SERINC5: variants seen among roughly 807,000 people sequenced by gnomAD.
SERINC5 encodes the protein chromosome 5 open reading frame 12.
A neutral mutation model predicts 63.1 loss-of-function variants in SERINC5; 41 were observed. The observed-to-expected ratio is 0.65, with a 90% CI of 0.51 to 0.84. The LOEUF (loss-of-function observed/expected upper bound fraction) is 0.84, where lower values mean the gene tolerates loss of function less well. Among genes scored for constraint, SERINC5 ranks in the 40% least tolerant of loss-of-function variants. SERINC5 has a pLI of 0.00. For missense variants in SERINC5, 523 were observed against 573.0 expected (o/e 0.91, Z 0.89); for synonymous variants, 222 against 215.2 (o/e 1.03, Z -0.28).
Position 80,140,166 on chromosome 5 carries a change from A to T in SERINC5, c.*3497T>A, listed in dbSNP as rs1178985712. ...ACAACCCCATCTCTACAAAAAAATA[A>T]AAATCGGCCAGGTGTGATGGGGCAA... On this transcript the variant is annotated 3_prime_UTR_variant, in exon 12 of 12. Transcript: ENST00000507668. 1.0e-5 allele frequency: 8 copies of T among 769,782 alleles called. No individual in the cohort carries two copies. In the South Asian group the frequency reaches 4.7e-4, roughly 45 times the overall value. 47.7% of individuals were successfully genotyped at this position (769,782 alleles called of 1,614,324 possible). A position where few individuals can be genotyped will look rare whatever the true frequency, so the allele number is the denominator to read the frequency against.
chr5:80,221,765 C>T (rs1750915306), intron 1 of SERINC5, among the ~76,000 whole-genome samples: 1 of 146,954 alleles, frequency 6.8e-6, no homozygotes, highest in South Asian at 2.1e-4. Flanking sequence ...CTCCATTGGT[C>T]TACATTAAAA....
At chr5:80,245,962 C>G (rs927568987) in intron 1 of SERINC5, among the ~76,000 whole-genome samples, 1 of 47,728 alleles carries the variant, frequency 2.1e-5, no homozygotes, top group African/African-American at 7.3e-5. Flanking sequence ...ATTGTCAGCT[C>G]TTTAAAAAAA....
intron 2 of SERINC5, among the ~76,000 whole-genome samples, chr5:80,194,777 T>G (rs1358200440): frequency 1.3e-5 from 2 of 152,146 alleles, no homozygotes; most frequent in African/African-American, 2.4e-5. Flanking sequence ...AAAAGGCATT[T>G]AACTGTGACT....
At chr5:80,237,075 C>T (rs1005246949) in intron 1 of SERINC5, among the ~76,000 whole-genome samples, 1 of 152,172 alleles carries the variant, frequency 6.6e-6, no homozygotes, top group Non-Finnish European at 1.5e-5. Context: ...GATCCACCCG[C>T]CTCGGCCTCC....
chr5:80,149,862 T>C (rs1746057312), intron 9 of SERINC5, among the ~76,000 whole-genome samples: 1 of 152,164 alleles, frequency 6.6e-6, no homozygotes, highest in South Asian at 2.1e-4. Flanking sequence ...CACAGCTGAG[T>C]CCTTCCCTGG....
chr5:80,132,801 T>G (rs1035498258), intron 11 of SERINC5, among the ~76,000 whole-genome samples: 3 of 152,120 alleles, frequency 2.0e-5, no homozygotes, highest in Middle Eastern at 3.4e-3. Flanking sequence ...TACACAGCAA[T>G]AGGGGACTGG....
intron 11 of SERINC5, among the ~76,000 whole-genome samples, chr5:80,118,196 C>A (rs1029620111): frequency 6.6e-6 from 1 of 151,870 alleles, no homozygotes; most frequent in African/African-American, 2.4e-5. Flanking sequence ...GAGCAAGACT[C>A]CACCTCAAAA....
rs1752652403 is a variant in SERINC5 at position 80,255,835 on chromosome 5, C to G, written c.27+61G>C. On this transcript the variant is annotated intron_variant, in intron 1 of 11. Transcript: ENST00000507668. ...GCGCACCCAGGCAGGTCCTCCACGCCTGGACTCCTGGCCCGGTTCTCCGAT... is the reference window on the plus strand; with the variant it reads ...GCGCACCCAGGCAGGTCCTCCACGCGTGGACTCCTGGCCCGGTTCTCCGAT... The G allele has an allele frequency of 1.3e-5, 20 of 1,561,442 alleles. 1 individual carries two copies. The Admixed American group carries it at 3.2e-4, about 25-fold the overall frequency.
At chr5:80,203,257 C>CACATATATAT (rs1554067829) in intron 1 of SERINC5, 1 of 255,246 alleles carries the variant, frequency 3.9e-6, no homozygotes, top group African/African-American at 2.3e-5. Context: ...TATATATACA[C>CACATATATAT]ATATATATAT....
chr5:80,220,966 G>A (rs886655580), intron 1 of SERINC5, among the ~76,000 whole-genome samples: 1 of 152,052 alleles, frequency 6.6e-6, no homozygotes, highest in Non-Finnish European at 1.5e-5. Flanking sequence ...GAGCCAGGAA[G>A]TGGAGGAAGC....
intron 7 of SERINC5, among the ~76,000 whole-genome samples, chr5:80,161,013 T>C (rs1468083801): frequency 2.0e-5 from 3 of 147,440 alleles, no homozygotes; most frequent in Admixed American, 6.9e-5. Context: ...CGTGTATATA[T>C]ACGTGTATAT....
chr5:80,197,343 G>C (rs1264296501), intron 2 of SERINC5, among the ~76,000 whole-genome samples: 1 of 28,254 alleles, frequency 3.5e-5, no homozygotes, highest in African/African-American at 1.2e-4. Flanking sequence ...GAGAGAGAGA[G>C]AGAGAGAGAG....
intron 1 of SERINC5, among the ~76,000 whole-genome samples, chr5:80,238,379 C>T (rs1299626852): frequency 2.6e-5 from 4 of 152,152 alleles, no homozygotes; most frequent in Non-Finnish European, 5.9e-5. Context: ...CTATCATCCA[C>T]GCATAGAGCA....
At position 80,256,034 on chromosome 5, in the gene SERINC5, G is replaced by C. The variant is rs554698933; in HGVS notation, c.-112C>G. 10 of 1,168,226 alleles carry C rather than the reference G, an allele frequency of 8.6e-6. No individual in the cohort carries two copies. Among genetic ancestry groups the C allele is most frequent in the Non-Finnish European group, 1.0e-5 (9 of 878,704 alleles). The allele number at this position is 1,168,226 out of a possible 1,614,324, so 72.4% of individuals were successfully genotyped here. On this transcript the variant is annotated 5_prime_UTR_variant, in exon 1 of 12. In the 5' UTR this introduces an upstream ATG that the reference lacks. Transcript: ENST00000507668. The stretch of plus-strand genomic sequence containing the variant: ...CAGCCGCAGCTCACACTTGAACGAA[G>C]ATCAGCCTCGGCGAAGCGCCTAGGC...
At chr5:80,153,882 G>A (rs1390038748) in intron 8 of SERINC5, among the ~76,000 whole-genome samples, 1 of 151,916 alleles carries the variant, frequency 6.6e-6, no homozygotes, top group Admixed American at 6.6e-5. Context: ...CCTTCACACT[G>A]GCAGAAGAAT....
intron 1 of SERINC5, among the ~76,000 whole-genome samples, chr5:80,221,946 A>G (rs1750923198): frequency 6.6e-6 from 1 of 152,046 alleles, no homozygotes; most frequent in Admixed American, 6.6e-5. Context: ...CAGGAGTTCA[A>G]GACCACCCTG....
chr5:80,203,012 A>G lies in SERINC5; in HGVS notation c.69T>C (p.Cys23=). Residue 23 remains cysteine (C), a synonymous_variant, in exon 2 of 12, where the codon TGT becomes TGC. Transcript: ENST00000507668. Reference sequence around the variant, plus strand: ...ACTGCCGAATCCTGGGGCAGCAATCACAGCAGAGAGAGCAGCCTGCAGACC... The same window carrying G: ...ACTGCCGAATCCTGGGGCAGCAATCGCAGCAGAGAGAGCAGCCTGCAGACC... ...CCGSAGCSLC[C]DCCPRIRQSL... 6.2e-7 allele frequency: 1 copy of G among 1,612,964 alleles called. No individual in the cohort carries two copies. The highest frequency in any genetic ancestry group is 8.5e-7 in the Non-Finnish European group (1 of 1,179,392).
rs79952637 is a variant in SERINC5, at chr5:80,190,827, G to T, written c.195+12059C>A. 7.5e-3 allele frequency among the ~76,000 whole-genome samples: 1,135 copies of T among 152,246 alleles called. 10 individuals carry two copies. The highest frequency in any genetic ancestry group is 0.025 in the African/African-American group (1,052 of 41,530). On this transcript the variant is annotated intron_variant, in intron 2 of 11. Coordinates refer to ENST00000507668, the MANE Select transcript of SERINC5 (RefSeq NM_001174072.3). ...GTTCTAGTGATGGGAACCAGTACATGGCAGACATTTAAGTTTCCGGCCCCA... is the reference window on the plus strand; with the variant it reads ...GTTCTAGTGATGGGAACCAGTACATTGCAGACATTTAAGTTTCCGGCCCCA...
intron 2 of SERINC5, among the ~76,000 whole-genome samples, chr5:80,193,441 T>C (rs1034567983): frequency 1.3e-5 from 2 of 152,172 alleles, no homozygotes; most frequent in Non-Finnish European, 1.5e-5. Flanking sequence ...TTTAGATGAC[T>C]ACAGAAAAAA....
Sources: allele counts gnomAD v4.1 joint callset (sites outside exome capture counted in the v4.1 genomes callset), GRCh38; gene constraint gnomAD v4.1.1; transcripts MANE v1.5; gene names NCBI Gene and HGNC (gene_info 2026-07-23, HGNC 2026-07-21).